NTN1: variants seen among roughly 807,000 people sequenced by gnomAD.
The protein encoded by NTN1 is netrin 1.
In NTN1, 11 loss-of-function variants were observed where a neutral mutation model predicts 54.2. The ratio of observed to expected loss-of-function variants is 0.20; its 90% CI spans 0.13 to 0.34. The LOEUF is 0.34. Ranked by LOEUF, NTN1 falls within the 10% of genes least tolerant of loss-of-function variation. The probability of loss-of-function intolerance (pLI) is 1.00; values close to 1 mark genes in which losing one functional copy is unlikely to be tolerated. For missense variants in NTN1, 740 were observed against 893.1 expected, an observed-to-expected ratio of 0.83 and a Z score of 2.18; for synonymous variants, 371 against 382.0, an observed-to-expected ratio of 0.97 and a Z score of 0.33.
intron 2 of NTN1, among the ~76,000 whole-genome samples, chr17:9,036,096 A>AG (rs1272819361): frequency 6.6e-6 from 1 of 152,154 alleles, no homozygotes; most frequent in Non-Finnish European, 1.5e-5. Flanking sequence ...CTTGGGCTCA[A>AG]GGGATCCTTC....
At chr17:9,205,281 G>A (rs1030789568) in intron 5 of NTN1, among the ~76,000 whole-genome samples, 15 of 152,202 alleles carry the variant, frequency 9.9e-5, no homozygotes, top group African/African-American at 3.6e-4. Flanking sequence ...TGGGGGTAGA[G>A]GAAGCTACAC....
At chr17:9,054,443 A>G (rs1379326785) in intron 2 of NTN1, among the ~76,000 whole-genome samples, 1 of 152,178 alleles carries the variant, frequency 6.6e-6, no homozygotes, top group East Asian at 1.9e-4. Context: ...GGGTGAATGG[A>G]AGGCGGGGCA....
chr17:9,190,192 G>T (rs1904414301), intron 5 of NTN1, among the ~76,000 whole-genome samples: 1 of 152,154 alleles, frequency 6.6e-6, no homozygotes, highest in African/African-American at 2.4e-5. Context: ...AGAAATAAAT[G>T]TAGCAATAAA....
intron 5 of NTN1, among the ~76,000 whole-genome samples, chr17:9,194,196 A>C (rs1904560233): frequency 1.3e-5 from 2 of 152,128 alleles, no homozygotes; most frequent in African/African-American, 4.8e-5. Context: ...AGATTGTGCC[A>C]CTGCACTCCA....
At chr17:9,019,633 A>AT (rs1451221819), upstream of NTN1, among the ~76,000 whole-genome samples, 1 of 152,246 alleles carries the variant, frequency 6.6e-6, no homozygotes, top group Non-Finnish European at 1.5e-5. Flanking sequence ...GGTAGAAAGT[A>AT]TTATCTCCCT....
intron 2 of NTN1, among the ~76,000 whole-genome samples, chr17:9,125,508 G>A (rs549541094): frequency 2.6e-5 from 4 of 152,294 alleles, no homozygotes; most frequent in South Asian, 4.2e-4. Context: ...GATTACAGGT[G>A]TGAGCCACTG....
intron 2 of NTN1, among the ~76,000 whole-genome samples, chr17:9,096,369 T>C (rs1251966790): frequency 1.5e-4 from 19 of 128,478 alleles, no homozygotes; most frequent in South Asian, 2.9e-4. Flanking sequence ...GGGTAGACTT[T>C]TTTTTTTTTT....
chr17:9,235,395 G>A (rs1353948724), intron 6 of NTN1, among the ~76,000 whole-genome samples: 1 of 152,204 alleles, frequency 6.6e-6, no homozygotes, highest in Non-Finnish European at 1.5e-5. Flanking sequence ...GAGCCCCCCT[G>A]TTCCAGCGTT....
At chr17:9,038,529 C>T (rs1177174604) in intron 2 of NTN1, among the ~76,000 whole-genome samples, 2 of 152,090 alleles carry the variant, frequency 1.3e-5, no homozygotes, top group Non-Finnish European at 2.9e-5. Context: ...CCATTTGCAA[C>T]TCCTGGGCTT....
chr17:9,134,071 A>AT (rs1467433427), intron 2 of NTN1, among the ~76,000 whole-genome samples: 1 of 146,804 alleles, frequency 6.8e-6, no homozygotes, highest in Non-Finnish European at 1.5e-5. Context: ...TGCACAGCTA[A>AT]TTTTTTGTAT....
intron 5 of NTN1, among the ~76,000 whole-genome samples, chr17:9,189,851 C>T (rs750962129): frequency 2.5e-4 from 38 of 152,114 alleles, no homozygotes; most frequent in Non-Finnish European, 4.9e-4. Flanking sequence ...TTGTTTGGCT[C>T]ATGGAGCTGG....
At chr17:9,089,122 A>G (rs1002843391) in intron 2 of NTN1, among the ~76,000 whole-genome samples, 8 of 152,032 alleles carry the variant, frequency 5.3e-5, no homozygotes, top group Admixed American at 2.0e-4. Flanking sequence ...TTTATTATTA[A>G]GTTAAGGGTG....
rs946989560 is a variant in NTN1, at chr17:9,219,500, G to T, written c.1412-1668G>T. ...TGGGGGCCCCAAGAGTCTGGCACAG[G>T]AAGCGGTGGGAGGCTACCACACCCA... On this transcript the variant is annotated intron_variant, in intron 5 of 6. Coordinates refer to ENST00000173229, the MANE Select transcript of NTN1 (RefSeq NM_004822.3). The surrounding 1 kb of genome is among the most constrained non-coding windows in gnomAD (Gnocchi z 4.5). Among the ~76,000 whole-genome samples the T allele has an allele frequency of 6.6e-6, 1 of 152,194 alleles. No individual in the cohort carries two copies. Among genetic ancestry groups the T allele is most frequent in the South Asian group, 2.1e-4 (1 of 4,828 alleles).
intron 2 of NTN1, among the ~76,000 whole-genome samples, chr17:9,116,713 G>A (rs2092213986): frequency 6.6e-6 from 1 of 152,144 alleles, no homozygotes; most frequent in African/African-American, 2.4e-5. Context: ...AGTACAGAGC[G>A]CGTTTGTGTT....
intron 6 of NTN1, among the ~76,000 whole-genome samples, chr17:9,231,120 G>A (rs904911355): frequency 1.3e-5 from 2 of 152,136 alleles, no homozygotes; most frequent in Non-Finnish European, 2.9e-5. Flanking sequence ...TGGGCATTTC[G>A]TGAGGTGTAC....
At chr17:9,196,311 G>T (rs1015528908) in intron 5 of NTN1, among the ~76,000 whole-genome samples, 1 of 152,208 alleles carries the variant, frequency 6.6e-6, no homozygotes, top group African/African-American at 2.4e-5. Flanking sequence ...TGGATTGGTG[G>T]GGACATTGTT....
At chr17:9,116,714 C>T (rs923604751) in intron 2 of NTN1, among the ~76,000 whole-genome samples, 8 of 152,138 alleles carry the variant, frequency 5.3e-5, no homozygotes, top group Admixed American at 6.5e-5. Flanking sequence ...GTACAGAGCG[C>T]GTTTGTGTTG....
chr17:9,133,855 C>T (rs2092273135), intron 2 of NTN1, among the ~76,000 whole-genome samples: 2 of 146,688 alleles, frequency 1.4e-5, no homozygotes, highest in Non-Finnish European at 3.0e-5. Context: ...CTGCCTTGGC[C>T]TCCCAAAGTG....
At chr17:9,195,476 A>T (rs574787691) in intron 5 of NTN1, among the ~76,000 whole-genome samples, 1 of 152,218 alleles carries the variant, frequency 6.6e-6, no homozygotes, top group Non-Finnish European at 1.5e-5. Flanking sequence ...AGAGGATGGG[A>T]GTCCTTGGAC....
Sources: allele counts gnomAD v4.1 joint callset (sites outside exome capture counted in the v4.1 genomes callset), GRCh38; gene constraint gnomAD v4.1.1; non-coding constraint Gnocchi (gnomAD v3.1); transcripts MANE v1.5; gene names NCBI Gene and HGNC (gene_info 2026-07-23, HGNC 2026-07-21).